The following CNBD1 variants were observed in gnomAD, a reference collection of about 807,000 sequenced individuals.
CNBD1 encodes cyclic nucleotide-binding domain-containing protein 1.
In CNBD1, 71 loss-of-function variants were observed where a neutral mutation model predicts 54.4. The ratio of observed to expected loss-of-function variants is 1.30; its 90% confidence interval spans 1.08 to 1.59. CNBD1 has a LOEUF of 1.59. Among genes scored for constraint, CNBD1 ranks in the 40% most tolerant of loss-of-function variants. CNBD1 has a pLI of 0.00. For synonymous variants in CNBD1, 182 were observed against 170.7 expected (o/e 1.07, Z -0.51); for missense variants, 659 against 518.0 (o/e 1.27, Z -2.64).
intron 4 of CNBD1, among the ~76,000 whole-genome samples, chr8:87,180,562 G>T (rs1187185047): frequency 6.6e-6 from 1 of 151,936 alleles, no homozygotes; most frequent in African/African-American, 2.4e-5. Context: ...CTCCGGAGGT[G>T]GTGTGAGCCT....
intron 4 of CNBD1, among the ~76,000 whole-genome samples, chr8:87,055,913 TCC>T (rs1449748520): frequency 1.4e-5 from 2 of 144,138 alleles, no homozygotes; most frequent in Non-Finnish European, 3.0e-5. Flanking sequence ...CTTCCTTCCT[TCC>T]TTCCTTCCTT....
chr8:86,934,431 C>T (rs192099015), intron 3 of CNBD1, among the ~76,000 whole-genome samples: 19 of 152,126 alleles, frequency 1.2e-4, no homozygotes, highest in Non-Finnish European at 2.1e-4. Flanking sequence ...TATAAGATCA[C>T]GTCATCTGCA....
intron 8 of CNBD1, among the ~76,000 whole-genome samples, chr8:87,346,014 G>A (rs1473982428): frequency 2.0e-5 from 3 of 151,962 alleles, no homozygotes; most frequent in Non-Finnish European, 2.9e-5. Context: ...AATATAAAAA[G>A]TCATGTTTTG....
intron 2 of CNBD1, among the ~76,000 whole-genome samples, chr8:87,395,913 C>G (rs774391065): frequency 1.3e-5 from 2 of 151,874 alleles, no homozygotes; most frequent in Non-Finnish European, 2.9e-5. Flanking sequence ...CTCCTTCGCT[C>G]AGTACCTCTC....
At chr8:87,147,802 G>A (rs1208563996) in intron 4 of CNBD1, among the ~76,000 whole-genome samples, 1 of 152,060 alleles carries the variant, frequency 6.6e-6, no homozygotes, top group Non-Finnish European at 1.5e-5. Context: ...CACTGATCTA[G>A]TTTTTAGTGA....
At chr8:87,428,627 TC>T (rs1274844950) in intron 3 of CNBD1, 1 of 452,312 alleles carries the variant, frequency 2.2e-6, no homozygotes, top group South Asian at 1.6e-5. Context: ...AGTAAAATGT[TC>T]AAGTTATAAT....
At chr8:87,420,179 T>C (rs1478789695) in intron 2 of CNBD1, among the ~76,000 whole-genome samples, 2 of 151,948 alleles carry the variant, frequency 1.3e-5, no homozygotes, top group Admixed American at 1.3e-4. Flanking sequence ...TTTTGCTCAA[T>C]GAACCCAGAT....
At chr8:87,264,603 A>C (rs1232140827) in intron 6 of CNBD1, among the ~76,000 whole-genome samples, 1 of 152,148 alleles carries the variant, frequency 6.6e-6, no homozygotes, top group Non-Finnish European at 1.5e-5. Flanking sequence ...GAACTAGTTT[A>C]CAGTCCCACC....
At chr8:87,390,011 T>C (rs958826959) in intron 2 of CNBD1, among the ~76,000 whole-genome samples, 1 of 151,340 alleles carries the variant, frequency 6.6e-6, no homozygotes, top group Non-Finnish European at 1.5e-5. Context: ...GATTCCCTAT[T>C]TAATAAATGG....
intron 6 of CNBD1, among the ~76,000 whole-genome samples, chr8:87,242,319 G>C (rs1485831094): frequency 6.6e-6 from 1 of 152,060 alleles, no homozygotes; most frequent in Admixed American, 6.5e-5. Context: ...GAGAAAATTA[G>C]CTAAGAATCT....
intron 4 of CNBD1, among the ~76,000 whole-genome samples, chr8:87,192,355 A>G (rs1813630858): frequency 6.6e-6 from 1 of 152,180 alleles, no homozygotes. Flanking sequence ...GATCCAATAA[A>G]CCTGGAACAT....
intron 2 of CNBD1, among the ~76,000 whole-genome samples, chr8:87,421,421 C>A (rs1345364188): frequency 2.7e-5 from 3 of 112,804 alleles, no homozygotes; most frequent in Non-Finnish European, 5.7e-5. Flanking sequence ...CTCTCCCTCC[C>A]CCCCTCCCCC....
intron 6 of CNBD1, among the ~76,000 whole-genome samples, chr8:87,277,322 G>A (rs1162634562): frequency 6.6e-6 from 1 of 151,492 alleles, no homozygotes; most frequent in Non-Finnish European, 1.5e-5. Context: ...TTAACTTTTT[G>A]GATAAGACCC....
intron 5 of CNBD1, among the ~76,000 whole-genome samples, chr8:87,228,599 C>G (rs1002601089): frequency 1.3e-5 from 2 of 151,240 alleles, no homozygotes; most frequent in African/African-American, 4.9e-5. Flanking sequence ...TCCGCCCGTT[C>G]TCAGATCTCC....
At chr8:87,347,826 G>A (rs1187098373) in intron 8 of CNBD1, among the ~76,000 whole-genome samples, 1 of 152,086 alleles carries the variant, frequency 6.6e-6, no homozygotes, top group Non-Finnish European at 1.5e-5. Context: ...AGTAAGAGGG[G>A]ATCTCTAATA....
In CNBD1 at chr8:87,007,051, G is replaced by T. The variant is rs187337314; in HGVS notation, c.431+67297G>T. 2.3e-3 allele frequency among the ~76,000 whole-genome samples: 345 copies of T among 152,200 alleles called. 2 individuals carry two copies. Among genetic ancestry groups the T allele is most frequent in the African/African-American group, 7.6e-3 (315 of 41,534 alleles). ...GTCTCTACTAAAAATACAAAAATTA[G>T]CCAGGCGTGGTGGTGGGCGCCTGTA... On this transcript the variant is annotated intron_variant, in intron 4 of 10. Coordinates refer to ENST00000518476, the MANE Select transcript of CNBD1 (RefSeq NM_173538.3).
intron 6 of CNBD1, among the ~76,000 whole-genome samples, chr8:87,262,305 C>T (rs969957664): frequency 2.6e-5 from 4 of 152,132 alleles, no homozygotes; most frequent in Non-Finnish European, 5.9e-5. Flanking sequence ...GATAGAATTA[C>T]TTTCTAATTA....
intron 4 of CNBD1, among the ~76,000 whole-genome samples, chr8:87,197,572 C>G (rs561192701): frequency 1.3e-5 from 2 of 152,220 alleles, no homozygotes; most frequent in Admixed American, 1.3e-4. Flanking sequence ...ACTTCTGTTT[C>G]TCCATGGCCC....
intron 5 of CNBD1, among the ~76,000 whole-genome samples, chr8:87,225,690 T>C (rs1184815453): frequency 6.6e-6 from 1 of 152,122 alleles, no homozygotes; most frequent in African/African-American, 2.4e-5. Flanking sequence ...AGGATATTGA[T>C]CTAAAATTCT....
Sources: allele counts gnomAD v4.1 joint callset (sites outside exome capture counted in the v4.1 genomes callset), GRCh38; gene constraint gnomAD v4.1.1; transcripts MANE v1.5; gene names NCBI Gene and HGNC (gene_info 2026-07-23, HGNC 2026-07-21).